MYOM2: variants seen among roughly 807,000 people sequenced by gnomAD.
MYOM2 encodes myomesin-2.
In MYOM2, 254 loss-of-function variants were observed where a neutral mutation model predicts 187.6. The ratio of observed to expected loss-of-function variants is 1.35; its 90% CI spans 1.22 to 1.50. The LOEUF (loss-of-function observed/expected upper bound fraction) is 1.50, where lower values mean the gene tolerates loss of function less well. MYOM2 is among the 40% of genes most tolerant of loss of function. The pLI, the probability that MYOM2 is intolerant of heterozygous loss-of-function variation, is 0.00. For synonymous variants in MYOM2, 981 were observed against 753.8 expected (o/e 1.30, Z -4.94); for missense variants, 2,796 against 1,924.0 (o/e 1.45, Z -8.48).
intron 14 of MYOM2, 100 bp from the exon 15 acceptor site, chr8:2,089,907 TG>T: frequency 2.7e-6 from 3 of 1,115,620 alleles, no homozygotes; most frequent in African/African-American, 1.6e-5. Flanking sequence ...GCGCGCCTGG[TG>T]GTCCTGGGAT....
chr8:2,059,415 TTTG>T (rs1339399164), intron 6 of MYOM2, among the ~76,000 whole-genome samples, 170 bp downstream of exon 6: 1 of 152,174 alleles, frequency 6.6e-6, no homozygotes, highest in African/African-American at 2.4e-5. Flanking sequence ...GAAGCTTCCC[TTTG>T]TTTTTCTTTA....
intron 32 of MYOM2, among the ~76,000 whole-genome samples, chr8:2,138,157 C>T (rs540023191): frequency 1.5e-4 from 23 of 152,336 alleles, no homozygotes; most frequent in African/African-American, 5.3e-4. Flanking sequence ...TGATGCTCAC[C>T]TGCCCTCAGA....
intron 34 of MYOM2, 41 bp from the exon 35 acceptor site, chr8:2,142,332 ACT>A (rs751507451): frequency 3.2e-5 from 51 of 1,599,946 alleles, no homozygotes; most frequent in Non-Finnish European, 4.2e-5. Flanking sequence ...ATTTTCTCAT[ACT>A]CTCTTTTCAT....
rs570698752 is a variant in MYOM2 at position 2,128,915 on chromosome 8, T to C, written c.3695-212T>C. On this transcript the variant is annotated intron_variant, in intron 31 of 36. Transcript: ENST00000262113. ...TTTTACAGTATTCTGCAAAGAGCTT[T>C]TCAGATAATTCTAGCATGGTAAGAG... Among the ~76,000 whole-genome samples, 16 of 152,332 alleles carry C rather than the reference T, an allele frequency of 1.1e-4. No homozygotes were observed. The South Asian group carries it at 3.1e-3, about 30-fold the overall frequency.
rs189546014 is a variant in MYOM2 at position 2,132,851 on chromosome 8, G to C, written c.3800+3619G>C. On this transcript the variant is annotated intron_variant, in intron 32 of 36. Coordinates refer to ENST00000262113, the MANE Select transcript of MYOM2 (RefSeq NM_003970.4). ...TCTCCTAAAATCTCAGCTAACTCTT[G>C]AACTAACTGGGAGGAGAGGTGGCTG... Among the ~76,000 whole-genome samples the C allele has an allele frequency of 8.5e-5, 13 of 152,312 alleles. No homozygotes were observed. The East Asian group carries it at 2.5e-3, about 29-fold the overall frequency.
intron 15 of MYOM2, among the ~76,000 whole-genome samples, chr8:2,091,653 A>G (rs1420274064): frequency 2.6e-5 from 4 of 152,232 alleles, no homozygotes; most frequent in Non-Finnish European, 4.4e-5. Context: ...TCAAGTTTCT[A>G]TCTGGCTCTG....
chr8:2,072,598 G>C, intron 9 of MYOM2, 89 bp downstream of exon 9: 1 of 1,449,364 alleles, frequency 6.9e-7, no homozygotes, highest in Non-Finnish European at 9.2e-7. Flanking sequence ...TGTGGCTTTT[G>C]TCTCTACCAC....
intron 23 of MYOM2, among the ~76,000 whole-genome samples, chr8:2,107,384 G>C (rs1196200007): frequency 6.6e-6 from 1 of 152,148 alleles, no homozygotes; most frequent in African/African-American, 2.4e-5. Context: ...GTGCTCTCCA[G>C]GGATGGCATA....
intron 25 of MYOM2, among the ~76,000 whole-genome samples, chr8:2,111,127 C>T (rs1226145834): frequency 6.6e-6 from 1 of 152,222 alleles, no homozygotes; most frequent in Non-Finnish European, 1.5e-5. Flanking sequence ...TTGATGAGCA[C>T]TTCCTGCCTG....
At chr8:2,110,165 C>T (rs932994527) in intron 25 of MYOM2, among the ~76,000 whole-genome samples, 1 of 152,118 alleles carries the variant, frequency 6.6e-6, no homozygotes, top group African/African-American at 2.4e-5. Flanking sequence ...TCTACAAAAA[C>T]TTAAGAAATT....
intron 6 of MYOM2, among the ~76,000 whole-genome samples, chr8:2,065,230 G>A (rs1156994403): frequency 6.6e-6 from 1 of 152,130 alleles, no homozygotes; most frequent in Non-Finnish European, 1.5e-5. Context: ...TCTCATGAAG[G>A]CACCAGTTTG....
rs977755965 is a variant in MYOM2, at chr8:2,141,238, G to T, written c.4001+61G>T. 9.6e-6 allele frequency: 14 copies of T among 1,458,098 alleles called. No individual in the cohort carries two copies. In the African/African-American group the frequency reaches 1.8e-4, roughly 19 times the overall value. 90.3% of individuals were successfully genotyped at this position (1,458,098 alleles called of 1,614,324 possible). On this transcript the variant is annotated intron_variant, in intron 34 of 36. Transcript: ENST00000262113. ...TGGGCAGTTGAGTCCCAGTCGTTTT[G>T]GCTGCATGTGGGAATCTGTATGGAA...
At chr8:2,120,629 T>C (rs1283941976) in intron 28 of MYOM2, among the ~76,000 whole-genome samples, 4 of 122,750 alleles carry the variant, frequency 3.3e-5, no homozygotes, top group Non-Finnish European at 6.9e-5. Context: ...ATCCTCAGTA[T>C]TGGTAATTAA....
rs369565918 is a variant in MYOM2 at position 2,057,345 on chromosome 8, C to A, written c.264-3C>A. The A allele has an allele frequency of 4.4e-6, 7 of 1,598,232 alleles. No homozygotes were observed. Among genetic ancestry groups the A allele is most frequent in the Non-Finnish European group, 6.0e-6 (7 of 1,172,034 alleles). On this transcript the variant is annotated splice_region_variant and splice_polypyrimidine_tract_variant and intron_variant, in intron 3 of 36. Coordinates refer to ENST00000262113, the MANE Select transcript of MYOM2 (RefSeq NM_003970.4). Reference sequence around the variant, plus strand: ...AACTGAGGCTGCTTCTCGGCTCCTGCAGGTACCAGTCCCTGGTGGCCGCCT... The same window carrying A: ...AACTGAGGCTGCTTCTCGGCTCCTGAAGGTACCAGTCCCTGGTGGCCGCCT...
chr8:2,059,271 C>T (rs375524208), intron 6 of MYOM2, 26 bp downstream of exon 6: 49 of 1,602,000 alleles, frequency 3.1e-5, no homozygotes, highest in South Asian at 8.8e-5. Flanking sequence ...GGGCTCTGGA[C>T]GCTGGCGTCC....
chr8:2,057,549 A>G (rs889419776), intron 4 of MYOM2, 63 bp downstream of exon 4: 9 of 1,612,734 alleles, frequency 5.6e-6, no homozygotes, highest in South Asian at 2.2e-5. Context: ...GCTTGTCTGC[A>G]TGGTGCTTGA....
rs138854390 is a variant in MYOM2, at chr8:2,079,577, G to C, written c.1480G>C (p.Glu494Gln). The C allele has an allele frequency of 1.7e-5, 28 of 1,614,038 alleles. No individual in the cohort carries two copies. The highest frequency in any genetic ancestry group is 1.6e-4 in the Middle Eastern group (1 of 6,084). ...CTCCGCAGCCGTTCATTTGGAGGGA[G>C]AGAAGGAGATTGCCATTTATCAGGA... ...RRLQAVHLEG[E>Q]KEIAIYQDDL... The change falls in exon 13 of 37, where the codon GAG becomes CAG. Residue 494 changes from glutamate to glutamine, a missense_variant. Physicochemically the swap from Glu to Gln is conservative, Grantham distance 29. Coordinates refer to ENST00000262113, the MANE Select transcript of MYOM2 (RefSeq NM_003970.4).
In MYOM2 at chr8:2,100,125, C is replaced by CTTCCTTCCTTCCTTCT. The variant is rs1796648007; in HGVS notation, c.2441-748_2441-747insCTTCCTTCCTTCTTTC. Among the ~76,000 whole-genome samples, 7 of 50,144 alleles carry CTTCCTTCCTTCCTTCT rather than the reference C, an allele frequency of 1.4e-4. 1 individual carries two copies. Among genetic ancestry groups the CTTCCTTCCTTCCTTCT allele is most frequent in the African/African-American group, 4.6e-4 (7 of 15,088 alleles). 32.9% of individuals were successfully genotyped at this position (50,144 alleles called of 152,430 possible). On this transcript the variant is annotated intron_variant, in intron 19 of 36. Transcript: ENST00000262113. ...CCTTCCTTCTTTCTTTCCTTCCTTCCTTCTTTCCTTCCTTCCTTCCTTCCT... is the reference window on the plus strand; with the variant it reads ...CCTTCCTTCTTTCTTTCCTTCCTTCCTTCCTTCCTTCCTTCTTTCTTTCCTTCCTTCCTTCCTTCCT...
At chr8:2,065,137 G>C (rs1176491789) in intron 6 of MYOM2, among the ~76,000 whole-genome samples, 1 of 152,174 alleles carries the variant, frequency 6.6e-6, no homozygotes, top group Non-Finnish European at 1.5e-5. Context: ...TCAAGTGTGG[G>C]TGCTCAATAC....
Sources: gnomAD v4.1 joint callset for allele counts (sites outside exome capture counted in the v4.1 genomes callset) on GRCh38, gnomAD v4.1.1 for gene constraint, MANE v1.5 for transcripts, NCBI Gene and HGNC (gene_info 2026-07-23, HGNC 2026-07-21) for gene names.